CASD1: variants seen among roughly 807,000 people sequenced by gnomAD.
CASD1 encodes CAS1 domain sialic acid O acetyltransferase 1.
CASD1 carries 41 observed loss-of-function variants against 100.0 expected under a neutral mutation model. The ratio of observed to expected loss-of-function variants is 0.41; its 90% confidence interval spans 0.32 to 0.53. CASD1 has a LOEUF of 0.53. CASD1 is among the 20% of genes least tolerant of loss of function. The probability of loss-of-function intolerance (pLI) is 0.25; values close to 1 mark genes in which losing one functional copy is unlikely to be tolerated. For synonymous variants in CASD1, 321 were observed against 315.6 expected (o/e 1.02, Z -0.18); for missense variants, 774 against 948.7 (o/e 0.82, Z 2.42).
At chr7:94,632,703 G>C in the CASD1 span, among the ~76,000 whole-genome samples, 1 of 152,106 alleles carries the variant, frequency 6.6e-6, no homozygotes, top group Non-Finnish European at 1.5e-5. Context: ...TTTTAGAGGA[G>C]TGCCCTTTGC....
chr7:94,577,985 A>G, the CASD1 span, among the ~76,000 whole-genome samples: 6 of 152,154 alleles, frequency 3.9e-5, no homozygotes, highest in African/African-American at 1.4e-4. Context: ...AATGTTTTCA[A>G]AGCTACTGTG....
chr7:94,633,461 T>G, the CASD1 span, among the ~76,000 whole-genome samples: 31 of 152,250 alleles, frequency 2.0e-4, no homozygotes, highest in African/African-American at 7.2e-4. Context: ...TCCCTAAACA[T>G]AGATCCAATT....
At chr7:94,574,708 T>A in the CASD1 span, among the ~76,000 whole-genome samples, 3 of 150,308 alleles carry the variant, frequency 2.0e-5, no homozygotes, top group East Asian at 5.8e-4. Context: ...TGGTGGCTCA[T>A]GCGTGTAATC....
Position 94,555,563 on chromosome 7 carries a change from C to A in CASD1, c.2199C>A (p.Asn733Lys). The A allele has an allele frequency of 6.2e-7, 1 of 1,613,376 alleles. No individual in the cohort carries two copies. The highest frequency in any genetic ancestry group is 8.5e-7 in the Non-Finnish European group (1 of 1,179,622). The stretch of plus-strand genomic sequence containing the variant: ...GTATCTTGGTACTGATACCTGGAAA[C>A]CCTATGCTCAACATCATTGTCAGCA... ...TRGILVLIPGNPMLNIIVSTF... is the reference protein window; with the variant it reads ...TRGILVLIPGKPMLNIIVSTF... Residue 733 changes from asparagine to lysine, a missense_variant, in exon 18 of 18, where the codon AAC becomes AAA. By Grantham distance (94) the Asn-to-Lys change is moderately conservative. This residue lies in a region of CASD1 where 175 missense variants were observed against 206.9 expected (regional missense o/e 0.85). Transcript: ENST00000297273.
chr7:94,518,103 T>C, intron 2 of CASD1, 100 bp from the exon 3 acceptor site: 1 of 1,157,772 alleles, frequency 8.6e-7, no homozygotes, highest in Non-Finnish European at 1.2e-6. Flanking sequence ...TAATGGTATG[T>C]GTAACAATCT....
the CASD1 span, among the ~76,000 whole-genome samples, chr7:94,584,383 CA>C: frequency 1.3e-5 from 2 of 152,286 alleles, no homozygotes; most frequent in Middle Eastern, 6.8e-3. Flanking sequence ...TCCTGGAGAA[CA>C]GCAAGTGGCA....
intron 3 of CASD1, among the ~76,000 whole-genome samples, chr7:94,526,512 G>T (rs1367812596): frequency 1.3e-5 from 2 of 152,220 alleles, no homozygotes; most frequent in Non-Finnish European, 2.9e-5. Context: ...CAAGTGCTGG[G>T]CACGGTGGCA....
At chr7:94,519,580 A>G (rs1019587556) in intron 3 of CASD1, among the ~76,000 whole-genome samples, 164 of 152,280 alleles carry the variant, frequency 1.1e-3, no homozygotes, top group African/African-American at 3.0e-3. Flanking sequence ...GCATTTATAC[A>G]TATGAAATTG....
At chr7:94,587,706 T>G in the CASD1 span, 1 of 1,534,048 alleles carries the variant, frequency 6.5e-7, no homozygotes, top group South Asian at 1.2e-5. Flanking sequence ...AAGCAAGTAA[T>G]CAAAATTGTA....
downstream of CASD1, among the ~76,000 whole-genome samples, chr7:94,558,105 C>A (rs1171264270): frequency 3.9e-5 from 6 of 152,240 alleles, no homozygotes; most frequent in South Asian, 8.3e-4. Flanking sequence ...CTGAATTCTA[C>A]CTCAATCGTT....
the CASD1 span, among the ~76,000 whole-genome samples, chr7:94,595,714 A>G: frequency 6.6e-6 from 1 of 152,136 alleles, no homozygotes; most frequent in Non-Finnish European, 1.5e-5. Flanking sequence ...GTAAAAAGTA[A>G]AAGTTGAATT....
At chr7:94,580,555 T>C in the CASD1 span, among the ~76,000 whole-genome samples, 1 of 152,236 alleles carries the variant, frequency 6.6e-6, no homozygotes, top group Non-Finnish European at 1.5e-5. Context: ...CAAAAAATTA[T>C]AACATTGCAA....
At chr7:94,526,014 T>C (rs1476595268) in intron 3 of CASD1, among the ~76,000 whole-genome samples, 1 of 152,202 alleles carries the variant, frequency 6.6e-6, no homozygotes, top group Non-Finnish European at 1.5e-5. Flanking sequence ...GAAGTTGTAG[T>C]GTTCACATTT....
the CASD1 span, chr7:94,598,567 G>T: frequency 8.6e-6 from 5 of 583,666 alleles, no homozygotes; most frequent in African/African-American, 7.5e-5. Context: ...GTCTTGTTTG[G>T]ATCAGTGGGG....
At chr7:94,526,427 C>G (rs1383806600) in intron 3 of CASD1, among the ~76,000 whole-genome samples, 1 of 152,190 alleles carries the variant, frequency 6.6e-6, no homozygotes, top group Non-Finnish European at 1.5e-5. Flanking sequence ...CCAGAACTAG[C>G]CATGTGGCTC....
the CASD1 span, among the ~76,000 whole-genome samples, chr7:94,615,835 C>T: frequency 6.6e-6 from 1 of 152,174 alleles, no homozygotes; most frequent in Non-Finnish European, 1.5e-5. Context: ...AAATATGAAC[C>T]TGCTCTTCTT....
intron 3 of CASD1, among the ~76,000 whole-genome samples, chr7:94,521,327 A>G (rs1794256374): frequency 6.6e-6 from 1 of 152,188 alleles, no homozygotes; most frequent in Admixed American, 6.5e-5. Flanking sequence ...GTAAGAAGCA[A>G]TGGTTTAAGA....
rs1464269110 is a variant in CASD1 at position 94,533,681 on chromosome 7, G to A, written c.507G>A (p.Trp169Ter). 2 of 1,591,352 alleles carry A rather than the reference G, an allele frequency of 1.3e-6. No homozygotes were observed. Among genetic ancestry groups the A allele is most frequent in the Admixed American group, 1.8e-5 (1 of 56,328 alleles). Residue 169 changes from tryptophan to a stop codon, truncating the protein, a stop_gained and splice_region_variant, in exon 7 of 18, where the codon TGG becomes TGA. Coordinates refer to ENST00000297273, the MANE Select transcript of CASD1 (RefSeq NM_022900.5). LOFTEE classifies it high-confidence loss of function. ...PHVIVAGAAT[W>*]SIKIHNGSSE... ...GCATAATTTGTACTTCTTTTTAGTG[G>A]TCCATCAAGATTCACAATGGTAGCA...
chr7:94,632,922 A>G, the CASD1 span, among the ~76,000 whole-genome samples: 2 of 152,124 alleles, frequency 1.3e-5, no homozygotes, highest in Non-Finnish European at 2.9e-5. Flanking sequence ...CAGTTAACAC[A>G]TGTTGCAGTC....
Sources: allele counts gnomAD v4.1 joint callset (sites outside exome capture counted in the v4.1 genomes callset), GRCh38; gene constraint gnomAD v4.1.1; regional missense constraint gnomAD v4.1.1; transcripts MANE v1.5; gene names NCBI Gene and HGNC (gene_info 2026-07-23, HGNC 2026-07-21).